Variants in FAM193A observed in about 807,000 individuals in gnomAD.
The protein encoded by FAM193A is family with sequence similarity 193 member A.
Under a neutral mutation model 126.5 loss-of-function variants are expected in FAM193A, and 22 were observed. That is an observed-to-expected ratio of 0.17 (90% CI 0.12 to 0.25). The LOEUF is 0.25. Among genes scored for constraint, FAM193A ranks in the 10% least tolerant of loss-of-function variants. The pLI is 1.00. For synonymous variants in FAM193A, 761 were observed against 646.8 expected, an observed-to-expected ratio of 1.18 and a Z score of -2.68; for missense variants, 1,675 against 1,672.8, an observed-to-expected ratio of 1.00 and a Z score of -0.02.
At chr4:2,551,561 A>G (rs1476791552) in intron 1 of FAM193A, among the ~76,000 whole-genome samples, 1 of 152,154 alleles carries the variant, frequency 6.6e-6, no homozygotes, top group Non-Finnish European at 1.5e-5. Context: ...ATTTATGTGT[A>G]TAGAGTTGTC....
At chr4:2,707,822 C>A (rs952547555) in intron 19 of FAM193A, among the ~76,000 whole-genome samples, 13 of 151,704 alleles carry the variant, frequency 8.6e-5, no homozygotes. Flanking sequence ...CTTTATTTCC[C>A]AGGTTCAATT....
At chr4:2,628,306 G>C (rs1324855423) in intron 4 of FAM193A, among the ~76,000 whole-genome samples, 1 of 152,170 alleles carries the variant, frequency 6.6e-6, no homozygotes, top group African/African-American at 2.4e-5. Context: ...TTTGACCTGT[G>C]AGCCACTGGT....
intron 19 of FAM193A, among the ~76,000 whole-genome samples, chr4:2,710,267 C>T (rs1249541981): frequency 6.7e-5 from 10 of 149,404 alleles, no homozygotes; most frequent in African/African-American, 2.2e-4. Flanking sequence ...CTCCACCTCC[C>T]GGGTTCAAGC....
At chr4:2,597,044 G>C (rs1740903647) in intron 2 of FAM193A, among the ~76,000 whole-genome samples, 1 of 152,082 alleles carries the variant, frequency 6.6e-6, no homozygotes, top group African/African-American at 2.4e-5. Context: ...AACTGCCTTG[G>C]GGGAGTCCTG....
chr4:2,560,684 C>T (rs1053373525), intron 1 of FAM193A, among the ~76,000 whole-genome samples: 1 of 152,190 alleles, frequency 6.6e-6, no homozygotes, highest in Non-Finnish European at 1.5e-5. Context: ...ATGTGTAGTA[C>T]GTTATCTTGA....
At chr4:2,606,045 CTTTTTT>C (rs1170025017) in intron 2 of FAM193A, among the ~76,000 whole-genome samples, 16 of 61,008 alleles carry the variant, frequency 2.6e-4, no homozygotes, top group Admixed American at 4.2e-4. Context: ...TTGCAAACCT[CTTTTTT>C]TTTTTTTTTT....
intron 19 of FAM193A, among the ~76,000 whole-genome samples, chr4:2,705,060 C>G (rs1449800690): frequency 1.3e-5 from 2 of 152,088 alleles, no homozygotes; most frequent in Non-Finnish European, 2.9e-5. Context: ...TACAGGTGCC[C>G]ACTACCACGC....
chr4:2,637,169 A>T (rs1744162823), intron 5 of FAM193A, among the ~76,000 whole-genome samples: 1 of 152,120 alleles, frequency 6.6e-6, no homozygotes, highest in African/African-American at 2.4e-5. Flanking sequence ...TCTACAGAAG[A>T]TACAAAAATT....
At position 2,539,357 on chromosome 4, in the gene FAM193A, C is replaced by G. The variant is rs1322239114; in HGVS notation, c.255+2187C>G. Among the ~76,000 whole-genome samples, 6 of 152,272 alleles carry G rather than the reference C, an allele frequency of 3.9e-5. No individual in the cohort carries two copies. The East Asian group carries it at 1.2e-3, about 29-fold the overall frequency. ...TTACTAAGGGCACAGACCCTTGCCA[C>G]TGTGCCCACCTGAGTATTATTTTTG... is the stretch of plus-strand genomic sequence containing the variant. On this transcript the variant is annotated intron_variant, in intron 1 of 20. Transcript: ENST00000637812.
chr4:2,607,936 A>G, intron 2 of FAM193A: 1 of 1,365,178 alleles, frequency 7.3e-7, no homozygotes, highest in Admixed American at 2.6e-5. Flanking sequence ...TCGCTTTATG[A>G]ACACAGATTC....
At chr4:2,692,360 A>C (rs1302664082) in intron 15 of FAM193A, among the ~76,000 whole-genome samples, 1 of 152,200 alleles carries the variant, frequency 6.6e-6, no homozygotes, top group Admixed American at 6.5e-5. Flanking sequence ...AGTTGTTTCC[A>C]CTGGGTCCCT....
chr4:2,557,164 A>G (rs570109232), intron 1 of FAM193A, among the ~76,000 whole-genome samples: 9 of 152,314 alleles, frequency 5.9e-5, no homozygotes, highest in South Asian at 4.1e-4. Context: ...TAATAGGACA[A>G]TTATCACAAT....
intron 9 of FAM193A, 60 bp downstream of exon 9, chr4:2,659,730 G>A: frequency 1.9e-6 from 3 of 1,610,918 alleles, no homozygotes; most frequent in Non-Finnish European, 2.5e-6. Flanking sequence ...GGGCTGAGTG[G>A]AGGCCTAGAA....
chr4:2,711,587 G>T (rs867742991), intron 19 of FAM193A, among the ~76,000 whole-genome samples: 1 of 150,502 alleles, frequency 6.6e-6, no homozygotes, highest in South Asian at 2.1e-4. Context: ...TGATCCACCC[G>T]CCTCTGCCTC....
At chr4:2,550,915 C>G (rs1737882902) in intron 1 of FAM193A, among the ~76,000 whole-genome samples, 1 of 151,982 alleles carries the variant, frequency 6.6e-6, no homozygotes, top group African/African-American at 2.4e-5. Flanking sequence ...ATTCTCCTGC[C>G]TCAGCCTCCC....
intron 5 of FAM193A, among the ~76,000 whole-genome samples, chr4:2,637,573 T>G (rs1394029253): frequency 6.6e-6 from 1 of 152,180 alleles, no homozygotes; most frequent in Non-Finnish European, 1.5e-5. Flanking sequence ...TTTTTTGTAG[T>G]GGGAAGTGAG....
At chr4:2,584,165 C>T (rs901120646) in intron 1 of FAM193A, among the ~76,000 whole-genome samples, 2 of 152,004 alleles carry the variant, frequency 1.3e-5, no homozygotes, top group Non-Finnish European at 2.9e-5. Flanking sequence ...AGGTGTCCCC[C>T]ACTCCATATT....
At chr4:2,633,617 C>A (rs1392118746) in intron 5 of FAM193A, among the ~76,000 whole-genome samples, 1 of 151,394 alleles carries the variant, frequency 6.6e-6, no homozygotes, top group Non-Finnish European at 1.5e-5. Context: ...ATAAGCCAGG[C>A]GTGGTGGCTT....
intron 13 of FAM193A, among the ~76,000 whole-genome samples, chr4:2,678,362 T>G (rs1346893815): frequency 2.7e-4 from 39 of 142,412 alleles, no homozygotes; most frequent in African/African-American, 9.9e-4. Flanking sequence ...TTTTGGTGGT[T>G]TTTTTTTTTT....
Sources: allele counts gnomAD v4.1 joint callset (sites outside exome capture counted in the v4.1 genomes callset), GRCh38; gene constraint gnomAD v4.1.1; transcripts MANE v1.5; gene names NCBI Gene and HGNC (gene_info 2026-07-23, HGNC 2026-07-21).